Variants in ZBTB20 observed in about 807,000 individuals in gnomAD.
ZBTB20 encodes zinc finger and BTB domain-containing protein 20.
In ZBTB20, 9 loss-of-function variants were observed where a neutral mutation model predicts 56.9. That is an observed-to-expected ratio of 0.16 (90% CI 0.10 to 0.28). The LOEUF is 0.28. Ranked by LOEUF, ZBTB20 falls within the 10% of genes least tolerant of loss-of-function variation. The pLI, the probability that ZBTB20 is intolerant of heterozygous loss-of-function variation, is 1.00. For missense variants in ZBTB20, 655 were observed against 1,003.0 expected (o/e 0.65, Z 4.69); for synonymous variants, 417 against 420.7 (o/e 0.99, Z 0.11).
At chr3:114,888,062 C>T (rs2076666652) in intron 4 of ZBTB20, among the ~76,000 whole-genome samples, 1 of 150,310 alleles carries the variant, frequency 6.7e-6, no homozygotes, top group African/African-American at 2.5e-5. Context: ...TTCAAGCAAG[C>T]CAGAAACTGA....
intron 2 of ZBTB20, among the ~76,000 whole-genome samples, chr3:115,021,989 AT>A: frequency 6.6e-6 from 1 of 150,882 alleles, no homozygotes; most frequent in South Asian, 2.1e-4. Flanking sequence ...ATTATTCTGA[AT>A]ACTAGCAACA....
At chr3:114,962,894 T>C (rs892270573) in intron 3 of ZBTB20, among the ~76,000 whole-genome samples, 2 of 152,056 alleles carry the variant, frequency 1.3e-5, no homozygotes, top group Non-Finnish European at 2.9e-5. Context: ...GCATGAAAAA[T>C]AGTGTACTTA....
intron 1 of ZBTB20, among the ~76,000 whole-genome samples, chr3:115,079,274 G>A (rs369198950): frequency 6.6e-6 from 1 of 152,136 alleles, no homozygotes; most frequent in African/African-American, 2.4e-5. Flanking sequence ...GGGCTAATGA[G>A]TATTACATGC....
chr3:114,715,403 A>G (rs2064402351), intron 5 of ZBTB20, among the ~76,000 whole-genome samples: 1 of 152,198 alleles, frequency 6.6e-6, no homozygotes, highest in Non-Finnish European at 1.5e-5. Context: ...AGGTATGTGC[A>G]CGCTCCTTCA....
chr3:114,841,270 T>C (rs566985474), intron 4 of ZBTB20, among the ~76,000 whole-genome samples: 2 of 152,032 alleles, frequency 1.3e-5, no homozygotes, highest in African/African-American at 4.8e-5. Context: ...TCAGTGGAGG[T>C]GAGCACATGG....
chr3:114,470,076 T>C (rs903155023), intron 7 of ZBTB20, among the ~76,000 whole-genome samples: 2 of 152,138 alleles, frequency 1.3e-5, no homozygotes, highest in African/African-American at 2.4e-5. Context: ...AAATTAAGCA[T>C]TAAAGATATA....
At chr3:114,576,958 T>C (rs1559984334) in intron 6 of ZBTB20, among the ~76,000 whole-genome samples, 1 of 152,152 alleles carries the variant, frequency 6.6e-6, no homozygotes. Context: ...TGTTAAAAGA[T>C]AACAAAACAT....
At chr3:114,590,479 T>C (rs2055637258) in intron 6 of ZBTB20, among the ~76,000 whole-genome samples, 1 of 146,470 alleles carries the variant, frequency 6.8e-6, no homozygotes, top group Non-Finnish European at 1.5e-5. Flanking sequence ...AATAAATAAA[T>C]AAATTTATTT....
intron 7 of ZBTB20, among the ~76,000 whole-genome samples, chr3:114,441,615 G>A (rs888815342): frequency 2.6e-5 from 4 of 152,070 alleles, no homozygotes; most frequent in African/African-American, 7.2e-5. Context: ...TGGGGACGAC[G>A]CGCGGTGGAA....
intron 2 of ZBTB20, among the ~76,000 whole-genome samples, chr3:115,020,765 C>G (rs1299821638): frequency 2.7e-5 from 4 of 150,812 alleles, no homozygotes; most frequent in Non-Finnish European, 5.9e-5. Flanking sequence ...ACATATAATA[C>G]CTATTCTCTT....
rs376600212 is a variant in ZBTB20 at position 114,812,687 on chromosome 3, C to T, written c.-416-11513G>A. 2.0e-5 allele frequency among the ~76,000 whole-genome samples: 3 copies of T among 152,358 alleles called. No individual in the cohort carries two copies. The East Asian group carries it at 5.8e-4, about 29-fold the overall frequency. On this transcript the variant is annotated intron_variant, in intron 4 of 11. Coordinates refer to ENST00000675478, the MANE Select transcript of ZBTB20 (RefSeq NM_001348800.3). ...GTGGAGCTGCCTGCCAGTCCGTCGC[C>T]GTGGGCCCGCACTCCTCAGCCCTTG... is the stretch of plus-strand genomic sequence containing the variant.
intron 10 of ZBTB20, among the ~76,000 whole-genome samples, chr3:114,352,147 G>A (rs2080739726): frequency 6.6e-6 from 1 of 152,198 alleles, no homozygotes; most frequent in African/African-American, 2.4e-5. Context: ...TTCGGCTGAG[G>A]TAGAGTGGCC....
At chr3:114,700,570 G>A (rs192062252) in intron 5 of ZBTB20, among the ~76,000 whole-genome samples, 55 of 152,176 alleles carry the variant, frequency 3.6e-4, no homozygotes, top group Admixed American at 7.2e-4. Context: ...GACACCTTTC[G>A]TTTCCCTTTT....
At chr3:115,134,735 T>C (rs1294907871) in intron 1 of ZBTB20, among the ~76,000 whole-genome samples, 1 of 152,246 alleles carries the variant, frequency 6.6e-6, no homozygotes, top group Non-Finnish European at 1.5e-5. Flanking sequence ...CTGGAGTGTG[T>C]ACTCTGATTT....
chr3:114,956,727 A>C (rs1423131178), intron 3 of ZBTB20, among the ~76,000 whole-genome samples: 1 of 152,218 alleles, frequency 6.6e-6, no homozygotes, highest in Non-Finnish European at 1.5e-5. Context: ...CTACACCAAA[A>C]CATGCAGGCT....
intron 3 of ZBTB20, among the ~76,000 whole-genome samples, chr3:114,959,168 C>T (rs2077354239): frequency 6.6e-6 from 1 of 152,136 alleles, no homozygotes; most frequent in South Asian, 2.1e-4. Context: ...ACCTCAAACA[C>T]ACTAAAGAGT....
intron 2 of ZBTB20, among the ~76,000 whole-genome samples, chr3:114,984,971 A>T (rs2078475355): frequency 6.6e-6 from 1 of 151,950 alleles, no homozygotes; most frequent in African/African-American, 2.4e-5. Flanking sequence ...TCATTTCATG[A>T]TGGCTTCCCC....
chr3:114,972,298 A>G (rs975665501), intron 3 of ZBTB20, among the ~76,000 whole-genome samples: 4 of 152,210 alleles, frequency 2.6e-5, no homozygotes, highest in African/African-American at 9.6e-5. Flanking sequence ...CAAACACACA[A>G]GAGGTCATTG....
At chr3:114,501,102 G>A (rs540736344) in intron 6 of ZBTB20, among the ~76,000 whole-genome samples, 20 of 152,120 alleles carry the variant, frequency 1.3e-4, no homozygotes, top group Non-Finnish European at 2.2e-4. Context: ...AGTTTGCCCC[G>A]GACTTGCCTT....
Sources: gnomAD v4.1 joint callset for allele counts (sites outside exome capture counted in the v4.1 genomes callset) on GRCh38, gnomAD v4.1.1 for gene constraint, MANE v1.5 for transcripts, NCBI Gene and HGNC (gene_info 2026-07-23, HGNC 2026-07-21) for gene names.